CMSS1: variants seen among roughly 807,000 people sequenced by gnomAD.
The protein encoded by CMSS1 is protein CMSS1.
A neutral mutation model predicts 43.5 loss-of-function variants in CMSS1; 33 were observed. The observed-to-expected ratio is 0.76, with a 90% CI of 0.57 to 1.01. The LOEUF (loss-of-function observed/expected upper bound fraction) is 1.01. Ranked by LOEUF, CMSS1 falls within the 50% of genes least tolerant of loss-of-function variation. CMSS1 has a pLI of 0.00. For missense variants in CMSS1, 313 were observed against 326.4 expected (o/e 0.96, Z 0.32); for synonymous variants, 115 against 117.2 (o/e 0.98, Z 0.12).
intron 1 of CMSS1, among the ~76,000 whole-genome samples, chr3:100,072,174 TC>T (rs2065773873): frequency 6.6e-6 from 1 of 152,202 alleles, no homozygotes; most frequent in Non-Finnish European, 1.5e-5. Context: ...GAACTAAAGG[TC>T]TACTGATCTT....
intron 1 of CMSS1, among the ~76,000 whole-genome samples, chr3:99,984,533 C>T (rs566900562): frequency 1.3e-5 from 2 of 152,158 alleles, no homozygotes; most frequent in African/African-American, 4.8e-5. Flanking sequence ...GTCCTCTAGC[C>T]CCTGGTCACT....
At chr3:100,060,282 A>G (rs1266793071) in intron 1 of CMSS1, among the ~76,000 whole-genome samples, 1 of 152,098 alleles carries the variant, frequency 6.6e-6, no homozygotes, top group Non-Finnish European at 1.5e-5. Context: ...CCATGCAAGG[A>G]GAAACCATGA....
chr3:99,912,587 A>G (rs1022534835), intron 1 of CMSS1, among the ~76,000 whole-genome samples: 19 of 152,270 alleles, frequency 1.2e-4, no homozygotes, highest in African/African-American at 4.3e-4. Context: ...CATGTTGCCC[A>G]GGCTGGTCTC....
In CMSS1 at chr3:99,867,166, A is replaced by G. The variant is rs574647604; in HGVS notation, c.64+49123A>G. Among the ~76,000 whole-genome samples, 5 of 152,346 alleles carry G rather than the reference A, an allele frequency of 3.3e-5. No homozygotes were observed. In the South Asian group the frequency reaches 6.2e-4, roughly 19 times the overall value. Reference sequence around the variant, plus strand: ...GACAGTGGTCAACAGCATATCTGCTAGAGGTGAGAGCAATGACTGTACCCC... The same window carrying G: ...GACAGTGGTCAACAGCATATCTGCTGGAGGTGAGAGCAATGACTGTACCCC... On this transcript the variant is annotated intron_variant, in intron 1 of 9. Transcript: ENST00000421999.
chr3:100,136,160 T>A (rs1306324761), intron 1 of CMSS1, among the ~76,000 whole-genome samples: 2 of 152,228 alleles, frequency 1.3e-5, no homozygotes, highest in East Asian at 3.8e-4. Flanking sequence ...AGCATTTGTT[T>A]TGTTAAATCT....
intron 1 of CMSS1, among the ~76,000 whole-genome samples, chr3:99,993,370 T>G (rs1159714540): frequency 6.6e-6 from 1 of 151,844 alleles, no homozygotes; most frequent in African/African-American, 2.4e-5. Context: ...AATCTAAGAG[T>G]TTTTTGGTGG....
chr3:99,881,033 G>C (rs1022876797), intron 1 of CMSS1, among the ~76,000 whole-genome samples: 3 of 152,150 alleles, frequency 2.0e-5, no homozygotes, highest in Non-Finnish European at 2.9e-5. Context: ...ACTACTGCCT[G>C]TTGGCCCCCT....
intron 1 of CMSS1, among the ~76,000 whole-genome samples, chr3:99,957,912 G>C (rs1275776462): frequency 4.7e-5 from 7 of 149,886 alleles, no homozygotes; most frequent in African/African-American, 1.7e-4. Context: ...ACCTGTGTTT[G>C]GAACCTGTTT....
intron 1 of CMSS1, chr3:100,075,513 G>A (rs923898875): frequency 3.3e-5 from 5 of 150,640 alleles, no homozygotes; most frequent in East Asian, 1.9e-4. Context: ...TCGAAGCTTC[G>A]GGTTTTTGCT....
At chr3:99,859,672 G>A (rs573108295) in intron 1 of CMSS1, among the ~76,000 whole-genome samples, 2 of 152,052 alleles carry the variant, frequency 1.3e-5, no homozygotes, top group African/African-American at 4.8e-5. Flanking sequence ...ACTGTGTTGC[G>A]TTGATAGTAG....
At chr3:100,117,323 G>A (rs1040455322) in intron 1 of CMSS1, among the ~76,000 whole-genome samples, 2 of 151,996 alleles carry the variant, frequency 1.3e-5, no homozygotes, top group Non-Finnish European at 2.9e-5. Flanking sequence ...TACAAAAAAC[G>A]GAACTGAGGT....
At chr3:99,848,383 C>T (rs750004088) in intron 1 of CMSS1, 2 of 1,613,932 alleles carry the variant, frequency 1.2e-6, no homozygotes, top group African/African-American at 2.7e-5. Flanking sequence ...GTTTAGTGCC[C>T]CGTTAATTAA....
intron 1 of CMSS1, among the ~76,000 whole-genome samples, chr3:99,981,684 GA>G (rs1709130322): frequency 6.6e-6 from 1 of 152,134 alleles, no homozygotes; most frequent in African/African-American, 2.4e-5. Context: ...AGCACCATTT[GA>G]AAAAAATTGG....
At chr3:100,055,794 A>T (rs1024194530) in intron 1 of CMSS1, among the ~76,000 whole-genome samples, 3 of 152,168 alleles carry the variant, frequency 2.0e-5, no homozygotes, top group African/African-American at 7.2e-5. Flanking sequence ...AATTTCAGAA[A>T]TTTTTTAATA....
intron 1 of CMSS1, among the ~76,000 whole-genome samples, chr3:99,835,562 G>T (rs1405683679): frequency 2.0e-5 from 3 of 152,210 alleles, no homozygotes; most frequent in African/African-American, 4.8e-5. Context: ...TATGCCCAGA[G>T]AGCCTGTTAG....
At chr3:99,891,097 C>A (rs1387855210) in intron 1 of CMSS1, among the ~76,000 whole-genome samples, 1 of 151,138 alleles carries the variant, frequency 6.6e-6, no homozygotes, top group Non-Finnish European at 1.5e-5. Flanking sequence ...TATGAATCTG[C>A]AAATTCTCGT....
rs539330428 is a variant in CMSS1, at chr3:99,823,772, T to G, written c.64+5729T>G. ...GGCTGGTGGCCACCAGGTCTTCTAC[T>G]ATTTACTCCCCTATAGTTTATGCTG... On this transcript the variant is annotated intron_variant, in intron 1 of 9. Coordinates refer to ENST00000421999, the MANE Select transcript of CMSS1 (RefSeq NM_032359.4). Among the ~76,000 whole-genome samples, 6 of 152,264 alleles carry G rather than the reference T, an allele frequency of 3.9e-5. No individual in the cohort carries two copies. The East Asian group carries it at 5.8e-4, about 15-fold the overall frequency.
intron 1 of CMSS1, among the ~76,000 whole-genome samples, chr3:100,044,944 A>C (rs1213596446): frequency 6.6e-6 from 1 of 152,180 alleles, no homozygotes; most frequent in African/African-American, 2.4e-5. Flanking sequence ...TTTTTCTGAT[A>C]TGAGGTGCTG....
intron 1 of CMSS1, among the ~76,000 whole-genome samples, chr3:100,102,082 C>G (rs550460781): frequency 6.6e-6 from 1 of 152,098 alleles, no homozygotes; most frequent in Non-Finnish European, 1.5e-5. Flanking sequence ...AATAAACATA[C>G]GTGTGCATGT....
Sources: gnomAD v4.1 joint callset for allele counts (sites outside exome capture counted in the v4.1 genomes callset) on GRCh38, gnomAD v4.1.1 for gene constraint, MANE v1.5 for transcripts, NCBI Gene and HGNC (gene_info 2026-07-23, HGNC 2026-07-21) for gene names.